Variants in CRYBG2 observed in about 807,000 individuals in gnomAD.
CRYBG2 encodes crystallin beta-gamma domain containing 2, also known as beta/gamma crystallin domain-containing protein 2.
A neutral mutation model predicts 153.4 loss-of-function variants in CRYBG2; 106 were observed. The observed-to-expected ratio is 0.69, with a 90% confidence interval of 0.59 to 0.81. The LOEUF (loss-of-function observed/expected upper bound fraction) is 0.81, where lower values mean the gene tolerates loss of function less well. CRYBG2 is among the 30% of genes least tolerant of loss of function. The probability of loss-of-function intolerance (pLI) is 0.00; values close to 1 mark genes in which losing one functional copy is unlikely to be tolerated. For synonymous variants in CRYBG2, 851 were observed against 877.8 expected (o/e 0.97, Z 0.54); for missense variants, 1,996 against 2,112.0 (o/e 0.95, Z 1.08).
In CRYBG2 at chr1:26,336,870, G is replaced by C; in HGVS notation, c.3882C>G (p.Ser1294Arg). The C allele has an allele frequency of 1.2e-6, 2 of 1,606,386 alleles. No individual in the cohort carries two copies. The highest frequency in any genetic ancestry group is 1.7e-6 in the Non-Finnish European group (2 of 1,176,942). ...CGCTGAGCACGTGGATGGCCTGTGT[G>C]CTGGGGCCGTGTTGCACCAGCTCCA... Reference protein sequence around the residue: ...PDVELVQHGPSTQAIHVLSGV... With the variant: ...PDVELVQHGPRTQAIHVLSGV... Residue 1294 changes from serine (S) to arginine (R), a missense_variant, in exon 11 of 20, where the codon AGC (serine) becomes AGG (arginine). Ser to Arg is a moderately radical substitution (Grantham distance 110). Coordinates refer to ENST00000308182, the MANE Select transcript of CRYBG2 (RefSeq NM_001039775.4). This position sits in a 1 kb window ranked among gnomAD's most constrained non-coding sequence, Gnocchi z 4.9.
intron 16 of CRYBG2, 197 bp from the exon 17 acceptor site, chr1:26,328,529 G>C: frequency 8.9e-7 from 1 of 1,120,560 alleles, no homozygotes; most frequent in Non-Finnish European, 1.2e-6. Context: ...GGTAAAGAAG[G>C]ATCCTGAGAA....
At chr1:26,331,384 A>T (rs1385639564) in intron 15 of CRYBG2, 105 bp downstream of exon 15, 7 of 1,494,534 alleles carry the variant, frequency 4.7e-6, no homozygotes, top group Non-Finnish European at 6.3e-6. Context: ...AGTTCTAAAA[A>T]CACTGGAATC....
chr1:26,336,284 G>T lies in CRYBG2; in HGVS notation c.4071+54C>A. The T allele has an allele frequency of 1.9e-6, 3 of 1,608,802 alleles. No individual in the cohort carries two copies. Among genetic ancestry groups the T allele is most frequent in the South Asian group, 2.2e-5 (2 of 90,218 alleles). ...AGAACAGCGGGGAGGGGAAAGGTCC[G>T]AAATGAGGGGAGAGACGTGAGCCCA... On this transcript the variant is annotated intron_variant, in intron 13 of 19. Transcript: ENST00000308182. This position sits in a 1 kb window ranked among gnomAD's most constrained non-coding sequence, Gnocchi z 4.9.
At chr1:26,353,471 A>T (rs1039972869) in intron 1 of CRYBG2, among the ~76,000 whole-genome samples, 1 of 152,134 alleles carries the variant, frequency 6.6e-6, no homozygotes, top group Non-Finnish European at 1.5e-5. Flanking sequence ...GGGAAACTCG[A>T]CACCCACTCC....
chr1:26,332,222 G>T (rs1414489135), intron 14 of CRYBG2, among the ~76,000 whole-genome samples: 1 of 150,050 alleles, frequency 6.7e-6, no homozygotes, highest in Non-Finnish European at 1.5e-5. Context: ...CAGGAGAATG[G>T]CATGAACCCA....
At chr1:26,328,948 C>A in intron 15 of CRYBG2, 75 bp from the exon 16 acceptor site, 1 of 1,573,404 alleles carries the variant, frequency 6.4e-7, no homozygotes, top group Non-Finnish European at 8.7e-7. Flanking sequence ...ATCCCAGACA[C>A]CCTGACTCCC....
chr1:26,324,478 G>A (rs74673366), intron 17 of CRYBG2, among the ~76,000 whole-genome samples, 168 bp from the exon 18 acceptor site: 11,020 of 142,436 alleles, frequency 0.077, 514 homozygotes, highest in Non-Finnish European at 0.11. Context: ...ACACACATAC[G>A]GAGAGCACAT....
intron 10 of CRYBG2, 61 bp downstream of exon 10, chr1:26,337,190 CTG>C: frequency 1.9e-6 from 3 of 1,600,994 alleles, no homozygotes; most frequent in Non-Finnish European, 2.6e-6. Context: ...CCTCCACAAA[CTG>C]TACTGGGGGA....
rs367888176 is a variant in CRYBG2 at position 26,336,409 on chromosome 1, C to T, written c.4039-39G>A. ...CCGAATCGAGAATTAGGGAGGGTGC[C>T]GGCCCCTAGCCTTGTCTTCTCTAGG... On this transcript the variant is annotated intron_variant, in intron 12 of 19. Coordinates refer to ENST00000308182, the MANE Select transcript of CRYBG2 (RefSeq NM_001039775.4). The surrounding 1 kb of genome is among the most constrained non-coding windows in gnomAD (Gnocchi z 4.9). 1 of 1,608,978 alleles carries T rather than the reference C, an allele frequency of 6.2e-7. No individual in the cohort carries two copies. The highest frequency in any genetic ancestry group is 1.3e-5 in the African/African-American group (1 of 74,846).
In CRYBG2 at chr1:26,328,242, G is replaced by T. The variant is rs766101116; in HGVS notation, c.4545C>A (p.Thr1515=). ...EITNWLTYSG[T]QRVGSLYPIK... is the part of the protein sequence containing the mutation. ...TGGGGTAGAGGGAGCCCACCCTCTG[G>T]GTGCCGCTGTAGGTCAGCCAGTTGG... The change falls in exon 17 of 20, where the codon ACC becomes ACA. Residue 1515 remains threonine, a synonymous_variant. Coordinates refer to ENST00000308182, the MANE Select transcript of CRYBG2 (RefSeq NM_001039775.4). 1 of 1,564,616 alleles carries T rather than the reference G, an allele frequency of 6.4e-7. No homozygotes were observed. The highest frequency in any genetic ancestry group is 1.4e-5 in the African/African-American group (1 of 73,590).
chr1:26,330,681 G>A lies in CRYBG2; in HGVS notation c.4314+808C>T, dbSNP rs566096762. ...AGCTTCCCAAGCAGCTGGGATTACAGACGTGCACCACCACACCTGGCTAAT... is the reference window on the plus strand; with the variant it reads ...AGCTTCCCAAGCAGCTGGGATTACAAACGTGCACCACCACACCTGGCTAAT... On this transcript the variant is annotated intron_variant, in intron 15 of 19. Transcript: ENST00000308182. Among the ~76,000 whole-genome samples, 262 of 151,770 alleles carry A rather than the reference G, an allele frequency of 1.7e-3. 1 individual carries two copies. Among genetic ancestry groups the A allele is most frequent in the Non-Finnish European group, 2.8e-3 (190 of 67,970 alleles).
At chr1:26,352,424 C>G (rs1268108093) in intron 1 of CRYBG2, among the ~76,000 whole-genome samples, 1 of 152,118 alleles carries the variant, frequency 6.6e-6, no homozygotes, top group Non-Finnish European at 1.5e-5. Flanking sequence ...AATACACACA[C>G]AGTCAATTCA....
At chr1:26,328,695 C>G in intron 16 of CRYBG2, 39 bp downstream of exon 16, 1 of 1,590,412 alleles carries the variant, frequency 6.3e-7, no homozygotes, top group Non-Finnish European at 8.6e-7. Flanking sequence ...CTCATCCCCA[C>G]CAGCAGCCAC....
chr1:26,337,886 T>A, intron 8 of CRYBG2, 126 bp downstream of exon 8: 2 of 1,358,428 alleles, frequency 1.5e-6, no homozygotes, highest in Non-Finnish European at 2.0e-6. Flanking sequence ...TCAGGTCCCA[T>A]CCCCCCAGAC....
Position 26,328,301 on chromosome 1 carries a change from C to G in CRYBG2, c.4486G>C (p.Gly1496Arg). The change falls in exon 17 of 20, where the codon GGC becomes CGC. Residue 1496 changes from glycine (G) to arginine (R), a missense_variant. By Grantham distance (125) the Gly-to-Arg change is moderately radical. Transcript: ENST00000308182. The stretch of plus-strand genomic sequence containing the variant: ...CAGCTTCCCACCAGCCACTGGCGGC[C>G]CCGGAAGTCACTGTGTTCACATAGC... ...WVLCEHSDFR[G>R]RQWLVGSCEI... 1 of 1,571,536 alleles carries G rather than the reference C, an allele frequency of 6.4e-7. No homozygotes were observed. The highest frequency in any genetic ancestry group is 8.6e-7 in the Non-Finnish European group (1 of 1,157,640).
intron 1 of CRYBG2, among the ~76,000 whole-genome samples, chr1:26,351,608 C>T (rs1351097781): frequency 6.6e-6 from 1 of 152,164 alleles, no homozygotes. Context: ...AAGGAGGCGG[C>T]CGATCATGAG....
chr1:26,336,111 G>C lies in CRYBG2; in HGVS notation c.4168C>G (p.Arg1390Gly), dbSNP rs1222718484. The C allele has an allele frequency of 4.7e-6, 7 of 1,498,342 alleles. No homozygotes were observed. The highest frequency in any genetic ancestry group is 3.9e-5 in the South Asian group (3 of 76,380). The allele number at this position is 1,498,342 out of a possible 1,614,324, so 92.8% of individuals were successfully genotyped here. ...CGTTCTCACCTGCCGCCGTGGACCC[G>C]GCAGGACTGAGGTCGGAAGGAGGCG... ...LPASFRPQSC[R>G]VHGGSWILFD... Residue 1390 changes from arginine (R) to glycine (G), a missense_variant, in exon 14 of 20, where the codon CGG becomes GGG. Transcript: ENST00000308182. This position sits in a 1 kb window ranked among gnomAD's most constrained non-coding sequence, Gnocchi z 4.9.
At chr1:26,334,422 TCAAA>T (rs2074030826) in intron 14 of CRYBG2, among the ~76,000 whole-genome samples, 1 of 151,788 alleles carries the variant, frequency 6.6e-6, no homozygotes, top group African/African-American at 2.4e-5. Context: ...AGACCCTGTC[TCAAA>T]CAAAAACAAA....
chr1:26,324,361 G>A, intron 17 of CRYBG2, 51 bp from the exon 18 acceptor site: 8 of 1,535,476 alleles, frequency 5.2e-6, no homozygotes, highest in Non-Finnish European at 7.0e-6. Context: ...GGGATGACCT[G>A]GGCCCCCAGT....
Sources: allele counts gnomAD v4.1 joint callset (sites outside exome capture counted in the v4.1 genomes callset), GRCh38; gene constraint gnomAD v4.1.1; non-coding constraint Gnocchi (gnomAD v3.1); transcripts MANE v1.5; gene names NCBI Gene and HGNC (gene_info 2026-07-23, HGNC 2026-07-21).